GLG1: variants seen among roughly 807,000 people sequenced by gnomAD.
GLG1 encodes golgi glycoprotein 1.
Under a neutral mutation model 160.5 loss-of-function variants are expected in GLG1, and 38 were observed. That is an observed-to-expected ratio of 0.24 (90% CI 0.18 to 0.31). The LOEUF is 0.31. Ranked by LOEUF, GLG1 falls within the 10% of genes least tolerant of loss-of-function variation. GLG1 has a pLI of 1.00. For synonymous variants in GLG1, 644 were observed against 543.4 expected (o/e 1.19, Z -2.57); for missense variants, 1,373 against 1,505.2 (o/e 0.91, Z 1.45).
chr16:74,486,369 C>T (rs2015785952), intron 8 of GLG1, among the ~76,000 whole-genome samples: 1 of 152,192 alleles, frequency 6.6e-6, no homozygotes, highest in Admixed American at 6.5e-5. Context: ...GGTATTAAGT[C>T]AAGTGTGCTG....
rs1334946856 is a variant in GLG1 at position 74,498,450 on chromosome 16, A to AG, written c.775-1807_775-1806insC. On this transcript the variant is annotated intron_variant, in intron 4 of 25. Transcript: ENST00000422840. ...CTCTGTCTCAAAAAAAAAAAAAAGT[A>AG]TATATATATATATATATTATATTTT... 4.3e-4 allele frequency among the ~76,000 whole-genome samples: 34 copies of AG among 79,094 alleles called. 7 individuals carry two copies. The highest frequency in any genetic ancestry group is 7.8e-4 in the Admixed American group (6 of 7,738). 51.9% of individuals were successfully genotyped at this position (79,094 alleles called of 152,430 possible). A position where few individuals can be genotyped will look rare whatever the true frequency, so the allele number is the denominator to read the frequency against.
At chr16:74,505,248 C>G (rs996921832) in intron 3 of GLG1, among the ~76,000 whole-genome samples, 1 of 152,160 alleles carries the variant, frequency 6.6e-6, no homozygotes, top group Non-Finnish European at 1.5e-5. Context: ...AGTATCAAAT[C>G]CAGACCACGT....
chr16:74,510,031 CTT>C (rs35929432), intron 2 of GLG1, among the ~76,000 whole-genome samples: 17,991 of 134,584 alleles, frequency 0.13, 1,451 homozygotes, highest in Admixed American at 0.25. Context: ...ATAAGGTCTA[CTT>C]TTTTTTTTTT....
At position 74,450,694 on chromosome 16, in the gene GLG1, C is replaced by T. The variant is rs1196727140; in HGVS notation, c.*2473G>A. ...TGAAACCCCATCTCTACTAAAAATA[C>T]AAAAATAAGCCAGGCGTGGTGGCGG... On this transcript the variant is annotated 3_prime_UTR_variant, in exon 26 of 26. Coordinates refer to ENST00000422840, the MANE Select transcript of GLG1 (RefSeq NM_001145667.2). 1 of 151,910 alleles carries T rather than the reference C, an allele frequency of 6.6e-6. No individual in the cohort carries two copies. The highest frequency in any genetic ancestry group is 1.5e-5 in the Non-Finnish European group (1 of 67,994). 9.4% of individuals were successfully genotyped at this position (151,910 alleles called of 1,614,324 possible).
At chr16:74,462,250 CA>C in intron 21 of GLG1, 55 bp from the exon 22 acceptor site, 6 of 884,802 alleles carry the variant, frequency 6.8e-6, no homozygotes, top group Middle Eastern at 4.4e-4. Flanking sequence ...AGCTTTTCTA[CA>C]AAAGCAGGAC....
intron 8 of GLG1, among the ~76,000 whole-genome samples, chr16:74,487,578 G>A (rs1445933002): frequency 6.6e-6 from 1 of 152,098 alleles, no homozygotes; most frequent in Non-Finnish European, 1.5e-5. Context: ...AAATGCTGTG[G>A]TTAGCTGGTA....
intron 4 of GLG1, among the ~76,000 whole-genome samples, chr16:74,498,015 C>T (rs1336434916): frequency 6.6e-6 from 1 of 152,200 alleles, no homozygotes; most frequent in African/African-American, 2.4e-5. Context: ...AACATTCATT[C>T]ATGCAAAATA....
rs2014627747 is a variant in GLG1, at chr16:74,458,005, A to AG, written c.3145-12dup. The AG allele has an allele frequency of 6.2e-7, 1 of 1,613,260 alleles. No individual in the cohort carries two copies. The highest frequency in any genetic ancestry group is 8.5e-7 in the Non-Finnish European group (1 of 1,179,356). On this transcript the variant is annotated splice_polypyrimidine_tract_variant and intron_variant, in intron 23 of 25. Transcript: ENST00000422840. ...CATGTTTAGCACTTCCTGGAAAGGG[A>AG]GGGTCATTGCAGACAGAGCTTTTGA...
intron 15 of GLG1, among the ~76,000 whole-genome samples, chr16:74,470,551 T>G (rs929157519): frequency 7.1e-6 from 1 of 140,290 alleles, no homozygotes. Flanking sequence ...CGGGTTCAAG[T>G]GATTCTCCTG....
At chr16:74,573,581 C>CTTTTTTTTTTTTTTTT (rs34868210) in intron 1 of GLG1, among the ~76,000 whole-genome samples, 2 of 102,660 alleles carry the variant, frequency 1.9e-5, no homozygotes, top group Non-Finnish European at 3.7e-5. Context: ...TTTATCTTGC[C>CTTTTTTTTTTTTTTTT]TTTTTTTTTT....
In GLG1 at chr16:74,457,876, C is replaced by T. The variant is rs778360585; in HGVS notation, c.3263G>A (p.Arg1088His). 3.7e-6 allele frequency: 6 copies of T among 1,613,590 alleles called. No individual in the cohort carries two copies. The highest frequency in any genetic ancestry group is 2.2e-5 in the East Asian group (1 of 44,890). ...CAAGAGTGAACACAGAGACTTACGACGCCCGCGGCCAGGGGTGATGGCTGC... is the reference window on the plus strand; with the variant it reads ...CAAGAGTGAACACAGAGACTTACGATGCCCGCGGCCAGGGGTGATGGCTGC... ...HCAAITPGRG[R>H]QMSCLMEALE... The change falls in exon 24 of 26, where the codon CGT becomes CAT. Residue 1088 changes from arginine to histidine, a missense_variant and splice_region_variant. Physicochemically the swap from Arg to His is conservative, Grantham distance 29. Coordinates refer to ENST00000422840, the MANE Select transcript of GLG1 (RefSeq NM_001145667.2).
chr16:74,471,056 T>A, intron 15 of GLG1, 117 bp downstream of exon 15: 1 of 717,786 alleles, frequency 1.4e-6, no homozygotes, highest in South Asian at 1.6e-5. Flanking sequence ...CACGCCTGGC[T>A]GGAAAAAAAT....
intron 1 of GLG1, among the ~76,000 whole-genome samples, chr16:74,576,243 T>C (rs1019231369): frequency 2.6e-5 from 4 of 151,820 alleles, no homozygotes; most frequent in Non-Finnish European, 5.9e-5. Flanking sequence ...GTGTCATACA[T>C]ACACATTTGG....
chr16:74,455,975 C>T (rs900144441), intron 25 of GLG1, among the ~76,000 whole-genome samples: 3 of 152,200 alleles, frequency 2.0e-5, no homozygotes, highest in Admixed American at 2.0e-4. Flanking sequence ...GGAAAAATTA[C>T]CCCTAGCCCA....
At chr16:74,466,677 A>G (rs2015011450) in intron 18 of GLG1, among the ~76,000 whole-genome samples, 1 of 152,254 alleles carries the variant, frequency 6.6e-6, no homozygotes, top group Non-Finnish European at 1.5e-5. Flanking sequence ...AGAAGACAAC[A>G]GTAAATAAGA....
intron 1 of GLG1, among the ~76,000 whole-genome samples, chr16:74,541,067 T>G (rs2017851503): frequency 6.6e-6 from 1 of 152,212 alleles, no homozygotes; most frequent in African/African-American, 2.4e-5. Context: ...GGCTCACGTC[T>G]GTAATCCCTG....
At chr16:74,510,785 T>C (rs1044422246) in intron 2 of GLG1, among the ~76,000 whole-genome samples, 4 of 152,160 alleles carry the variant, frequency 2.6e-5, no homozygotes, top group African/African-American at 9.7e-5. Context: ...GACTGTCCAG[T>C]GGCAGCTACA....
At chr16:74,569,723 C>A (rs1202121710) in intron 1 of GLG1, among the ~76,000 whole-genome samples, 1 of 151,892 alleles carries the variant, frequency 6.6e-6, no homozygotes, top group Non-Finnish European at 1.5e-5. Flanking sequence ...ATTAGCTGGG[C>A]ATGGTGGGGC....
chr16:74,513,823 C>T (rs1474995541), intron 2 of GLG1, among the ~76,000 whole-genome samples: 1 of 152,018 alleles, frequency 6.6e-6, no homozygotes, highest in South Asian at 2.1e-4. Flanking sequence ...TTCAGAAGGT[C>T]GGTAATAACA....
Sources: gnomAD v4.1 joint callset for allele counts (sites outside exome capture counted in the v4.1 genomes callset) on GRCh38, gnomAD v4.1.1 for gene constraint, MANE v1.5 for transcripts, NCBI Gene and HGNC (gene_info 2026-07-23, HGNC 2026-07-21) for gene names.